The following CAPN5 variants were observed in gnomAD, a reference collection of about 807,000 sequenced individuals.
CAPN5 encodes the protein calpain 5, also known as calpain-5.
CAPN5 carries 54 observed loss-of-function variants against 73.0 expected under a neutral mutation model. The ratio of observed to expected loss-of-function variants is 0.74; its 90% CI spans 0.59 to 0.93. The LOEUF (loss-of-function observed/expected upper bound fraction) is 0.93. CAPN5 is among the 40% of genes least tolerant of loss of function. CAPN5 has a pLI of 0.00. For missense variants in CAPN5, 785 were observed against 882.9 expected (o/e 0.89, Z 1.41); for synonymous variants, 335 against 356.9 (o/e 0.94, Z 0.69).
intron 2 of CAPN5, among the ~76,000 whole-genome samples, chr11:77,093,319 A>T (rs7947104): frequency 0.23 from 35,262 of 152,172 alleles, 4,276 homozygotes; most frequent in South Asian, 0.32. Flanking sequence ...GTGCTAGAGA[A>T]GGAAGGGAAT....
In CAPN5 at chr11:77,123,695, AC is replaced by A; in HGVS notation, c.1750del (p.His584ThrfsTer4). On this transcript the variant is annotated frameshift_variant, in exon 13 of 13. Coordinates refer to ENST00000648180, the MANE Select transcript of CAPN5 (RefSeq NM_004055.5). LOFTEE classifies it high-confidence loss of function. Reference protein sequence around the residue: ...LSQPITVQVWNHRVLKDEFLG... With the variant: ...LSQPITVQVWXHRVLKDEFLG... The stretch of plus-strand genomic sequence containing the variant: ...TCCTCTGTCTCTTCCCAGGTCTGGA[AC>A]CACCGAGTGCTGAAGGATGAATTTC... 6.2e-7 allele frequency: 1 copy of A among 1,613,282 alleles called. No homozygotes were observed. Among genetic ancestry groups the A allele is most frequent in the Non-Finnish European group, 8.5e-7 (1 of 1,179,660 alleles).
At chr11:77,089,309 T>TGCTCTGCCA (rs1591120948) in intron 2 of CAPN5, among the ~76,000 whole-genome samples, 1 of 152,250 alleles carries the variant, frequency 6.6e-6, no homozygotes, top group Non-Finnish European at 1.5e-5. Context: ...TCTCCATGCC[T>TGCTCTGCCA]GCTCTGCCAG....
Position 77,089,208 on chromosome 11 carries a change from C to T in CAPN5, c.165+4157C>T, listed in dbSNP as rs191206360. On this transcript the variant is annotated intron_variant, in intron 2 of 12. Coordinates refer to ENST00000648180, the MANE Select transcript of CAPN5 (RefSeq NM_004055.5). ...GGTGGCTGGCACCAGATAAAGGGCC[C>T]CTGGCACCCGAGGACCATTTCGGAG... is the stretch of plus-strand genomic sequence containing the variant. Among the ~76,000 whole-genome samples the T allele has an allele frequency of 6.6e-5, 10 of 152,278 alleles. No homozygotes were observed. The East Asian group carries it at 1.5e-3, about 24-fold the overall frequency.
intron 12 of CAPN5, 43 bp downstream of exon 12, chr11:77,122,755 TGAGGC>T (rs782674319): frequency 2.5e-6 from 4 of 1,607,942 alleles, no homozygotes; most frequent in Non-Finnish European, 3.4e-6. Flanking sequence ...GCTCCTAGCC[TGAGGC>T]TTCCCCACTC....
rs781970902 is a variant in CAPN5, at chr11:77,118,208, C to T, written c.1023C>T (p.Arg341=). 2.5e-5 allele frequency: 40 copies of T among 1,614,012 alleles called. No individual in the cohort carries two copies. In the Admixed American group the frequency reaches 6.0e-4, roughly 24 times the overall value. The change falls in exon 8 of 13, where the codon CGC becomes CGT. Residue 341 remains arginine (R), a synonymous_variant. Coordinates refer to ENST00000648180, the MANE Select transcript of CAPN5 (RefSeq NM_004055.5). ...CRYFTDIIKC[R]VINTSHLSIH... ...ACTTCACGGACATCATCAAGTGCCGCGTGATCAACACATCCCACCTGAGCA... is the reference window on the plus strand; with the variant it reads ...ACTTCACGGACATCATCAAGTGCCGTGTGATCAACACATCCCACCTGAGCA...
chr11:77,093,660 T>C, intron 2 of CAPN5, 22 bp from the exon 3 acceptor site: 2 of 1,556,382 alleles, frequency 1.3e-6, no homozygotes, highest in Non-Finnish European at 1.7e-6. Flanking sequence ...CCCCTCACGC[T>C]CTCTCCTCGC....
chr11:77,102,373 G>A (rs782621068), intron 3 of CAPN5, among the ~76,000 whole-genome samples: 6 of 152,172 alleles, frequency 3.9e-5, no homozygotes, highest in Non-Finnish European at 5.9e-5. Context: ...CAATCACCAA[G>A]CCCTCTCTGG....
Position 77,126,133 on chromosome 11 carries a change from T to A in CAPN5, c.*2263T>A, listed in dbSNP as rs1341664988. 6.6e-6 allele frequency: 1 copy of A among 152,158 alleles called. No homozygotes were observed. Among genetic ancestry groups the A allele is most frequent in the Non-Finnish European group, 1.5e-5 (1 of 68,018 alleles). 9.4% of individuals were successfully genotyped at this position (152,158 alleles called of 1,614,324 possible). A position where few individuals can be genotyped will look rare whatever the true frequency, so the allele number is the denominator to read the frequency against. Reference sequence around the variant, plus strand: ...GACAGGAAGCCTGTTCTATTCTCAATAAATCTTACAAAATTCCAAAAAGAC... The same window carrying A: ...GACAGGAAGCCTGTTCTATTCTCAAAAAATCTTACAAAATTCCAAAAAGAC... On this transcript the variant is annotated 3_prime_UTR_variant, in exon 13 of 13. Transcript: ENST00000648180.
intron 7 of CAPN5, 88 bp downstream of exon 7, chr11:77,116,391 G>T: frequency 1.0e-6 from 1 of 958,168 alleles, no homozygotes; most frequent in Non-Finnish European, 1.7e-6. Context: ...TCAGGAGCCA[G>T]GCCTCTCCTG....
chr11:77,073,730 T>C (rs1403817873), intron 1 of CAPN5, among the ~76,000 whole-genome samples: 2 of 152,144 alleles, frequency 1.3e-5, no homozygotes, highest in African/African-American at 4.8e-5. Flanking sequence ...GGAGAATGGA[T>C]TGGACACAGA....
intron 1 of CAPN5, among the ~76,000 whole-genome samples, chr11:77,074,813 C>T (rs369451668): frequency 6.6e-6 from 1 of 152,142 alleles, no homozygotes; most frequent in South Asian, 2.1e-4. Flanking sequence ...CTGTGGGGTA[C>T]GGGGCAGTGG....
At position 77,093,827 on chromosome 11, in the gene CAPN5, CAG is replaced by C; in HGVS notation, c.297+17_297+18del. On this transcript the variant is annotated intron_variant, in intron 3 of 12. Transcript: ENST00000648180. The stretch of plus-strand genomic sequence containing the variant: ...CTGTGGCAAAAGGTGAGGCCTCGGG[CAG>C]AGTGGGCAGGGTGCTGGGGAGTGTG... The C allele has an allele frequency of 6.2e-7, 1 of 1,607,112 alleles. No homozygotes were observed. The highest frequency in any genetic ancestry group is 2.2e-5 in the East Asian group (1 of 44,882).
At chr11:77,068,771 T>A (rs1555032569) in intron 1 of CAPN5, among the ~76,000 whole-genome samples, 1 of 151,856 alleles carries the variant, frequency 6.6e-6, no homozygotes, top group African/African-American at 2.4e-5. Context: ...GCAGGGGTGC[T>A]GGGGGCAGGA....
chr11:77,096,894 G>A (rs1209521255), intron 3 of CAPN5, among the ~76,000 whole-genome samples: 1 of 152,306 alleles, frequency 6.6e-6, no homozygotes, highest in South Asian at 2.1e-4. Context: ...GCAACCCTGG[G>A]TGGGGCCTGG....
At chr11:77,091,644 T>A (rs1950149888) in intron 2 of CAPN5, among the ~76,000 whole-genome samples, 1 of 152,070 alleles carries the variant, frequency 6.6e-6, no homozygotes, top group South Asian at 2.1e-4. Context: ...CTTCCTCAGC[T>A]CAGTGAGGCG....
intron 3 of CAPN5, among the ~76,000 whole-genome samples, chr11:77,107,681 G>T (rs1294173101): frequency 2.0e-5 from 3 of 152,180 alleles, no homozygotes; most frequent in African/African-American, 7.2e-5. Flanking sequence ...CCATTCTGCC[G>T]TGGGTGGCCG....
intron 3 of CAPN5, among the ~76,000 whole-genome samples, chr11:77,105,262 G>A (rs1169019828): frequency 6.6e-6 from 1 of 151,762 alleles, no homozygotes; most frequent in African/African-American, 2.4e-5. Context: ...AATCCCTCAC[G>A]GCCCCGAGCA....
chr11:77,103,253 C>G (rs1591134272), intron 3 of CAPN5: 2 of 1,613,550 alleles, frequency 1.2e-6, no homozygotes, highest in East Asian at 4.5e-5. Context: ...TCCGCAAGGT[C>G]ATGTACTTCC....
chr11:77,081,249 G>A (rs56695052), intron 1 of CAPN5, among the ~76,000 whole-genome samples: 23,495 of 152,224 alleles, frequency 0.15, 1,795 homozygotes, highest in Middle Eastern at 0.24. Context: ...TAATAAAGAT[G>A]TCTTTCATAC....
Sources: allele counts gnomAD v4.1 joint callset (sites outside exome capture counted in the v4.1 genomes callset), GRCh38; gene constraint gnomAD v4.1.1; transcripts MANE v1.5; gene names NCBI Gene and HGNC (gene_info 2026-07-23, HGNC 2026-07-21).